Variants in BHMT2 observed in about 807,000 individuals in gnomAD.
The protein encoded by BHMT2 is betaine--homocysteine S-methyltransferase 2.
Under a neutral mutation model 39.0 loss-of-function variants are expected in BHMT2, and 28 were observed. The ratio of observed to expected loss-of-function variants is 0.72; its 90% CI spans 0.53 to 0.98. BHMT2 has a LOEUF of 0.98. BHMT2 is among the 50% of genes least tolerant of loss of function. BHMT2 has a pLI of 0.00. For synonymous variants in BHMT2, 145 were observed against 160.6 expected (o/e 0.90, Z 0.74); for missense variants, 410 against 455.6 (o/e 0.90, Z 0.91).
chr5:79,085,141 A>G (rs1361027193), intron 7 of BHMT2, among the ~76,000 whole-genome samples: 3 of 152,224 alleles, frequency 2.0e-5, no homozygotes, highest in Admixed American at 2.0e-4. Flanking sequence ...TCCTAAAAAT[A>G]TAAAATCAGT....
At chr5:79,084,299 T>A (rs1755851645) in intron 7 of BHMT2, among the ~76,000 whole-genome samples, 1 of 152,056 alleles carries the variant, frequency 6.6e-6, no homozygotes, top group East Asian at 1.9e-4. Flanking sequence ...GTTTCTGAGA[T>A]GGAGTCTGGC....
chr5:79,071,945 T>A (rs1221912974), intron 1 of BHMT2, among the ~76,000 whole-genome samples: 1 of 151,942 alleles, frequency 6.6e-6, no homozygotes, highest in Non-Finnish European at 1.5e-5. Context: ...CTTGATAACT[T>A]AGTTATTTTG....
chr5:79,083,367 T>A lies in BHMT2; in HGVS notation c.774T>A (p.Tyr258Ter). Reference protein sequence around the residue: ...GKEGFVDLPEYPFGLESRVAT... With the variant: ...GKEGFVDLPE ...AGGGGTTTGTGGATCTCCCAGAATA[T>A]CCCTTTGGTAAGCTCAGGTGCATAG... is the stretch of plus-strand genomic sequence containing the variant. Residue 258 changes from tyrosine (Y) to a stop codon, truncating the protein, a stop_gained, in exon 6 of 8, where the codon TAT (tyrosine) becomes TAA (stop). Coordinates refer to ENST00000255192, the MANE Select transcript of BHMT2 (RefSeq NM_017614.5). LOFTEE classifies it high-confidence loss of function. 6.3e-7 allele frequency: 1 copy of A among 1,597,262 alleles called. No individual in the cohort carries two copies. The highest frequency in any genetic ancestry group is 8.5e-7 in the Non-Finnish European group (1 of 1,170,996).
chr5:79,079,413 A>T lies in BHMT2; in HGVS notation c.211A>T (p.Met71Leu), dbSNP rs754577679. ...ATTCTTGAGAGCAGGATCAAATGTC[A>T]TGCAGACTTTTACCTTTTCTGCCAG... Reference protein sequence around the residue: ...MEFLRAGSNVMQTFTFSASED... With the variant: ...MEFLRAGSNVLQTFTFSASED... Residue 71 changes from methionine (M) to leucine (L), a missense_variant, in exon 3 of 8, where the codon ATG becomes TTG. Physicochemically the swap from Met to Leu is conservative, Grantham distance 15. Coordinates refer to ENST00000255192, the MANE Select transcript of BHMT2 (RefSeq NM_017614.5). 1 of 1,614,034 alleles carries T rather than the reference A, an allele frequency of 6.2e-7. No individual in the cohort carries two copies. Among genetic ancestry groups the T allele is most frequent in the East Asian group, 2.2e-5 (1 of 44,872 alleles).
At chr5:79,084,402 T>C (rs1293615311) in intron 7 of BHMT2, among the ~76,000 whole-genome samples, 23 of 152,032 alleles carry the variant, frequency 1.5e-4, no homozygotes, top group Admixed American at 1.5e-3. Context: ...GCCTCCCGAG[T>C]AGCTGGGATT....
intron 1 of BHMT2, among the ~76,000 whole-genome samples, chr5:79,075,581 A>G (rs1210218730): frequency 6.6e-6 from 1 of 152,194 alleles, no homozygotes; most frequent in Non-Finnish European, 1.5e-5. Context: ...CCTATTATCA[A>G]TAAAAGGTTG....
chr5:79,077,445 G>A, intron 1 of BHMT2, 35 bp from the exon 2 acceptor site: 2 of 1,563,892 alleles, frequency 1.3e-6, no homozygotes, highest in Non-Finnish European at 1.7e-6. Context: ...AAAAAAAGTA[G>A]AGCGGAGCTT....
intron 7 of BHMT2, among the ~76,000 whole-genome samples, chr5:79,087,013 T>TGTGTGC (rs1408261365): frequency 8.3e-6 from 1 of 119,974 alleles, no homozygotes; most frequent in African/African-American, 3.9e-5. Context: ...TGTGTGTGTG[T>TGTGTGC]GTATATATAT....
At chr5:79,086,568 G>A (rs1299461429) in intron 7 of BHMT2, among the ~76,000 whole-genome samples, 1 of 152,172 alleles carries the variant, frequency 6.6e-6, no homozygotes, top group Non-Finnish European at 1.5e-5. Context: ...TAGTATGCAT[G>A]GGACCATGGA....
In BHMT2 at chr5:79,088,658, C is replaced by A; in HGVS notation, c.*84C>A. 1 of 1,037,474 alleles carries A rather than the reference C, an allele frequency of 9.6e-7. No individual in the cohort carries two copies. The highest frequency in any genetic ancestry group is 1.5e-6 in the Non-Finnish European group (1 of 681,596). 64.3% of individuals were successfully genotyped at this position (1,037,474 alleles called of 1,614,324 possible). A position where few individuals can be genotyped will look rare whatever the true frequency, so the allele number is the denominator to read the frequency against. ...ACCTGGAACCGTTCCTCACCTTCAT[C>A]CTCACCATGCCCTGCTATCTCCAGC... On this transcript the variant is annotated 3_prime_UTR_variant, in exon 8 of 8. Coordinates refer to ENST00000255192, the MANE Select transcript of BHMT2 (RefSeq NM_017614.5).
intron 7 of BHMT2, among the ~76,000 whole-genome samples, chr5:79,087,041 T>TATAC (rs1491463046): frequency 5.8e-5 from 8 of 138,388 alleles, no homozygotes; most frequent in African/African-American, 1.6e-4. Flanking sequence ...TATATATATA[T>TATAC]ACATATGTAT....
intron 7 of BHMT2, 98 bp from the exon 8 acceptor site, chr5:79,088,395 T>G (rs1302589334): frequency 8.6e-6 from 6 of 698,194 alleles, no homozygotes; most frequent in Non-Finnish European, 1.4e-5. Flanking sequence ...TGTGTGTGTG[T>G]GTGGTTATAT....
In BHMT2 at chr5:79,069,809, C is replaced by T; in HGVS notation, c.27C>T (p.Ala9=). 1.4e-6 allele frequency: 2 copies of T among 1,436,594 alleles called. No homozygotes were observed. The highest frequency in any genetic ancestry group is 9.2e-7 in the Non-Finnish European group (1 of 1,088,638). The allele number at this position is 1,436,594 out of a possible 1,614,324, so 89.0% of individuals were successfully genotyped here. A position where few individuals can be genotyped will look rare whatever the true frequency, so the allele number is the denominator to read the frequency against. MAPAGRPG[A]KKGILERLES... ...TGGCACCTGCTGGACGCCCGGGGGC[C>T]AAGAAGGTGAGTTTCGTCCCCTCGA... The change falls in exon 1 of 8, where the codon GCC becomes GCT. Residue 9 remains alanine (A), a synonymous_variant. Coordinates refer to ENST00000255192, the MANE Select transcript of BHMT2 (RefSeq NM_017614.5).
At chr5:79,075,871 C>G (rs1366365337) in intron 1 of BHMT2, among the ~76,000 whole-genome samples, 4 of 152,198 alleles carry the variant, frequency 2.6e-5, no homozygotes, top group Non-Finnish European at 5.9e-5. Flanking sequence ...GGGGAGCATG[C>G]AGGTACCCCA....
chr5:79,087,008 G>GTATATA (rs1346154516), intron 7 of BHMT2, among the ~76,000 whole-genome samples: 4 of 105,206 alleles, frequency 3.8e-5, no homozygotes, highest in African/African-American at 1.3e-4. Flanking sequence ...ATGTGTGTGT[G>GTATATA]TGTGTGTATA....
chr5:79,088,358 CTGTGTGTG>C (rs202040828), intron 7 of BHMT2, 127 bp from the exon 8 acceptor site: 209 of 304,572 alleles, frequency 6.9e-4, no homozygotes, highest in Middle Eastern at 2.1e-3. Flanking sequence ...CAAGTTTTGA[CTGTGTGTG>C]TGTGTGTGTG....
rs1292567028 is a variant in BHMT2 at position 79,083,285 on chromosome 5, T to G, written c.692T>G (p.Leu231Arg). The G allele has an allele frequency of 6.2e-7, 1 of 1,614,048 alleles. No homozygotes were observed. The highest frequency in any genetic ancestry group is 8.5e-7 in the Non-Finnish European group (1 of 1,179,956). The change falls in exon 6 of 8, where the codon CTG (leucine) becomes CGG (arginine). Residue 231 changes from leucine to arginine, a missense_variant. Physicochemically the swap from Leu to Arg is moderately radical, Grantham distance 102. Transcript: ENST00000255192. Reference sequence around the variant, plus strand: ...AAGGAGGGTCTTGAGTGGGCAGGGCTGAAAGCGCACCTCATGGTGCAGCCT... The same window carrying G: ...AAGGAGGGTCTTGAGTGGGCAGGGCGGAAAGCGCACCTCATGGTGCAGCCT... Reference protein sequence around the residue: ...LMKEGLEWAGLKAHLMVQPLG... With the variant: ...LMKEGLEWAGRKAHLMVQPLG...
rs1580250983 is a variant in BHMT2, at chr5:79,080,732, G to T, written c.304G>T (p.Ala102Ser). 1 of 1,600,718 alleles carries T rather than the reference G, an allele frequency of 6.2e-7. No homozygotes were observed. Among genetic ancestry groups the T allele is most frequent in the East Asian group, 2.3e-5 (1 of 43,896 alleles). ...TGCCTGTGACCTCGCCAGGGAAGTG[G>T]CTGGCAAAGGTGATGCTTTGGTAGC... is the stretch of plus-strand genomic sequence containing the variant. ...AAACDLAREV[A>S]GKGDALVAGG... The change falls in exon 4 of 8, where the codon GCT becomes TCT. Residue 102 changes from alanine to serine, a missense_variant. By Grantham distance (99) the Ala-to-Ser change is moderately conservative. Transcript: ENST00000255192.
At position 79,088,647 on chromosome 5, in the gene BHMT2, C is replaced by T; in HGVS notation, c.*73C>T. On this transcript the variant is annotated 3_prime_UTR_variant, in exon 8 of 8. Transcript: ENST00000255192. Reference sequence around the variant, plus strand: ...CCTCAAGCCTGACCTGGAACCGTTCCTCACCTTCATCCTCACCATGCCCTG... The same window carrying T: ...CCTCAAGCCTGACCTGGAACCGTTCTTCACCTTCATCCTCACCATGCCCTG... The T allele has an allele frequency of 8.1e-7, 1 of 1,230,028 alleles. No homozygotes were observed. The highest frequency in any genetic ancestry group is 1.8e-5 in the Admixed American group (1 of 54,618). The allele number at this position is 1,230,028 out of a possible 1,614,324, so 76.2% of individuals were successfully genotyped here.
Sources: allele counts gnomAD v4.1 joint callset (sites outside exome capture counted in the v4.1 genomes callset), GRCh38; gene constraint gnomAD v4.1.1; transcripts MANE v1.5; gene names NCBI Gene and HGNC (gene_info 2026-07-23, HGNC 2026-07-21).